Variants in APC2 observed in about 807,000 individuals in gnomAD.
APC2 encodes the protein APC regulator of Wnt signaling pathway 2.
A neutral mutation model predicts 72.5 loss-of-function variants in APC2; 41 were observed. The ratio of observed to expected loss-of-function variants is 0.57; its 90% CI spans 0.44 to 0.73. The LOEUF is 0.73. Ranked by LOEUF, APC2 falls within the 30% of genes least tolerant of loss-of-function variation. The pLI, the probability that APC2 is intolerant of heterozygous loss-of-function variation, is 0.00. For missense variants in APC2, 3,729 were observed against 3,403.4 expected, an observed-to-expected ratio of 1.10 and a Z score of -2.38; for synonymous variants, 1,898 against 1,612.0, an observed-to-expected ratio of 1.18 and a Z score of -4.25.
upstream of APC2, among the ~76,000 whole-genome samples, chr19:1,446,874 G>C (rs1711916079): frequency 6.6e-6 from 1 of 152,232 alleles, no homozygotes; most frequent in Non-Finnish European, 1.5e-5. This position sits in a 1 kb window ranked among gnomAD's most constrained non-coding sequence, Gnocchi z 6.1. Flanking sequence ...CTCCGGAATC[G>C]TCTGAATTTC....
rs776575180 is a variant in APC2, at chr19:1,455,407, G to C, written c.546G>C (p.Leu182=). 6.2e-7 allele frequency: 1 copy of C among 1,609,482 alleles called. No homozygotes were observed. The highest frequency in any genetic ancestry group is 8.5e-7 in the Non-Finnish European group (1 of 1,178,420). ...VETQFSMQMD[L]IRQQLEFEAQ... is the part of the protein sequence containing the mutation. ...AGCAGTTCTCGATGCAGATGGACCT[G>C]ATCCGGCAGCAGCTTGAGTTCGAGG... The change falls in exon 6 of 15, where the codon CTG becomes CTC. Residue 182 remains leucine (L), a synonymous_variant. Transcript: ENST00000590469.
Position 1,469,961 on chromosome 19 carries a change from C to T in APC2, c.6660C>T (p.Gly2220=), listed in dbSNP as rs2084105490. The change falls in exon 15 of 15, where the codon GGC becomes GGT. Residue 2220 remains glycine, a synonymous_variant. Transcript: ENST00000590469. ...ETREPPGAPA[G]GQLSLLGSDV... ...GGGAGCCCCCCGGGGCCCCCGCCGGCGGCCAGCTCTCCCTCCTCGGCAGCG... is the reference window on the plus strand; with the variant it reads ...GGGAGCCCCCCGGGGCCCCCGCCGGTGGCCAGCTCTCCCTCCTCGGCAGCG... 1 of 1,515,112 alleles carries T rather than the reference C, an allele frequency of 6.6e-7. No homozygotes were observed. Among genetic ancestry groups the T allele is most frequent in the Admixed American group, 2.1e-5 (1 of 47,968 alleles). The allele number at this position is 1,515,112 out of a possible 1,614,324, so 93.9% of individuals were successfully genotyped here.
At position 1,467,681 on chromosome 19, in the gene APC2, G is replaced by C. The variant is rs573970879; in HGVS notation, c.4380G>C (p.Lys1460Asn). 3.7e-5 allele frequency: 55 copies of C among 1,479,412 alleles called. No individual in the cohort carries two copies. In the African/African-American group the frequency reaches 6.9e-4, roughly 18 times the overall value. The allele number at this position is 1,479,412 out of a possible 1,614,324, so 91.6% of individuals were successfully genotyped here. Residue 1460 changes from lysine to asparagine, a missense_variant, in exon 15 of 15, where the codon AAG (lysine) becomes AAC (asparagine). By Grantham distance (94) the Lys-to-Asn change is moderately conservative. Coordinates refer to ENST00000590469, the MANE Select transcript of APC2 (RefSeq NM_005883.3). Reference sequence around the variant, plus strand: ...CGGAGCAGTCTCGGGGCGCGGGCAAGAACAGAGCAGGGCTGGAGCTGCCCC... The same window carrying C: ...CGGAGCAGTCTCGGGGCGCGGGCAACAACAGAGCAGGGCTGGAGCTGCCCC... ...RSAEQSRGAG[K>N]NRAGLELPLG... is the part of the protein sequence containing the mutation.
chr19:1,461,653 C>T (rs745636007), intron 13 of APC2: 3 of 370,250 alleles, frequency 8.1e-6, no homozygotes, highest in South Asian at 7.5e-5. Flanking sequence ...GAGATCGAGA[C>T]CATCCTGGCT....
At chr19:1,455,316 G>T in intron 5 of APC2, 59 bp downstream of exon 5, 5 of 1,585,064 alleles carry the variant, frequency 3.2e-6, no homozygotes, top group Non-Finnish European at 4.3e-6. Flanking sequence ...TGCGGGAAGC[G>T]GCGTGGGGGA....
rs1171558833 is a variant in APC2 at position 1,452,603 on chromosome 19, C to T, written c.-18-381C>T. ...TGGGGGTGCTGGGCTGGCCAGTCGG[C>T]TTGCTGGGTTAGGCTGTCCCAGCTG... On this transcript the variant is annotated intron_variant, in intron 1 of 14. Coordinates refer to ENST00000590469, the MANE Select transcript of APC2 (RefSeq NM_005883.3). The surrounding 1 kb of genome is among the most constrained non-coding windows in gnomAD (Gnocchi z 5.1). 1.0e-5 allele frequency: 2 copies of T among 193,776 alleles called. No individual in the cohort carries two copies. The highest frequency in any genetic ancestry group is 2.1e-5 in the Non-Finnish European group (2 of 93,250). The allele number at this position is 193,776 out of a possible 1,614,324, so 12.0% of individuals were successfully genotyped here. A position where few individuals can be genotyped will look rare whatever the true frequency, so the allele number is the denominator to read the frequency against.
In APC2 at chr19:1,465,265, G is replaced by A. The variant is rs1476993748; in HGVS notation, c.1964G>A (p.Arg655His). Residue 655 changes from arginine (R) to histidine (H), a missense_variant, in exon 15 of 15, where the codon CGC (arginine) becomes CAC (histidine). By Grantham distance (29) the Arg-to-His change is conservative. Coordinates refer to ENST00000590469, the MANE Select transcript of APC2 (RefSeq NM_005883.3). ...GGCACGCTCTGGAACCTGTCGGCCC[G>A]CAGCGCCCGTGACCAGGAGCTGCTG... is the stretch of plus-strand genomic sequence containing the variant. ...ACGTLWNLSA[R>H]SARDQELLWD... 4 of 1,606,816 alleles carry A rather than the reference G, an allele frequency of 2.5e-6. No individual in the cohort carries two copies. The highest frequency in any genetic ancestry group is 1.1e-5 in the South Asian group (1 of 90,856).
Position 1,453,010 on chromosome 19 carries a change from C to T in APC2, c.9C>T (p.Ser3=), listed in dbSNP as rs1216980030. The change falls in exon 2 of 15, where the codon AGC becomes AGT. Residue 3 remains serine (S), a synonymous_variant. Transcript: ENST00000590469. ...CGCTGCAGGAGCTGAAGATGGCGAG[C>T]TCCGTGGCGCCCTACGAGCAGCTGG... is the stretch of plus-strand genomic sequence containing the variant. MA[S]SVAPYEQLVR... The T allele has an allele frequency of 1.9e-6, 3 of 1,611,150 alleles. No individual in the cohort carries two copies. The highest frequency in any genetic ancestry group is 2.5e-6 in the Non-Finnish European group (3 of 1,179,922).
chr19:1,461,368 A>G (rs2083919686), intron 13 of APC2: 1 of 592,358 alleles, frequency 1.7e-6, no homozygotes, highest in Non-Finnish European at 3.0e-6. Context: ...TGAGGTCAGG[A>G]GTTCGAGACC....
intron 6 of APC2, among the ~76,000 whole-genome samples, chr19:1,455,769 G>A (rs1207179298): frequency 6.6e-6 from 1 of 152,154 alleles, no homozygotes; most frequent in Non-Finnish European, 1.5e-5. Flanking sequence ...ATCAGCAGGT[G>A]GGTGGGGCCT....
chr19:1,447,963 T>G (rs1315877419), upstream of APC2, among the ~76,000 whole-genome samples: 1 of 151,790 alleles, frequency 6.6e-6, no homozygotes, highest in African/African-American at 2.4e-5. Context: ...CACAGGGAGG[T>G]GGGACTTAGT....
In APC2 at chr19:1,456,911, C is replaced by T. The variant is rs1344034857; in HGVS notation, c.875C>T (p.Ala292Val). 2.5e-6 allele frequency: 4 copies of T among 1,580,224 alleles called. No individual in the cohort carries two copies. The highest frequency in any genetic ancestry group is 3.4e-6 in the Non-Finnish European group (4 of 1,170,980). The change falls in exon 9 of 15, where the codon GCG (alanine) becomes GTG (valine). Residue 292 changes from alanine (A) to valine (V), a missense_variant. Physicochemically the swap from Ala to Val is moderately conservative, Grantham distance 64. Coordinates refer to ENST00000590469, the MANE Select transcript of APC2 (RefSeq NM_005883.3). ...GCGACGCGCGACCAGGAGGATACAG[C>T]GCGCACGCTGCTGGCCATGTCCAGC... ...MLATRDQEDT[A>V]RTLLAMSSSP...
At chr19:1,457,458 G>A (rs1212377577) in intron 9 of APC2, 3 of 653,458 alleles carry the variant, frequency 4.6e-6, no homozygotes, top group Non-Finnish European at 7.4e-6. Context: ...TCGGGAAGTC[G>A]CTGAATGCAT....
intron 10 of APC2, chr19:1,458,392 G>GC: frequency 3.1e-6 from 1 of 320,882 alleles, no homozygotes; most frequent in South Asian, 4.6e-5. Context: ...ACTGTAGGGG[G>GC]TGTTTTACGT....
Position 1,468,645 on chromosome 19 carries a change from C to T in APC2, c.5344C>T (p.Pro1782Ser), listed in dbSNP as rs2084071149. 2.5e-6 allele frequency: 4 copies of T among 1,593,708 alleles called. No individual in the cohort carries two copies. The highest frequency in any genetic ancestry group is 1.3e-5 in the African/African-American group (1 of 74,532). ...EKPRGTQKTT[P>S]GVPAVLRGRT... ...GCCACGTGGCACACAGAAGACCACG[C>T]CCGGGGTGCCAGCTGTGCTCCGGGG... Residue 1782 changes from proline (P) to serine (S), a missense_variant, in exon 15 of 15, where the codon CCC becomes TCC. Transcript: ENST00000590469.
chr19:1,465,101 G>A (rs1684516446), intron 14 of APC2, 54 bp from the exon 15 acceptor site: 10 of 1,547,228 alleles, frequency 6.5e-6, no homozygotes, highest in Non-Finnish European at 7.9e-6. Context: ...CCCATCCTTC[G>A]GTGGGCAGGG....
At chr19:1,455,600 G>A in intron 6 of APC2, 100 bp downstream of exon 6, 3 of 1,182,482 alleles carry the variant, frequency 2.5e-6, no homozygotes, top group South Asian at 2.7e-5. Flanking sequence ...GTAATGGGAG[G>A]AGTCTTATGC....
upstream of APC2, among the ~76,000 whole-genome samples, chr19:1,449,904 A>G (rs2083721902): frequency 6.6e-6 from 1 of 152,202 alleles, no homozygotes. Flanking sequence ...AAAGTGCGGG[A>G]CACAGGAATC....
intron 1 of APC2, among the ~76,000 whole-genome samples, chr19:1,450,932 A>G (rs961122078): frequency 3.3e-5 from 5 of 152,208 alleles, no homozygotes; most frequent in African/African-American, 7.2e-5. Flanking sequence ...GGCCTGAGAG[A>G]AGAGAGCCTC....
Sources: gnomAD v4.1 joint callset for allele counts (sites outside exome capture counted in the v4.1 genomes callset) on GRCh38, gnomAD v4.1.1 for gene constraint, Gnocchi (gnomAD v3.1) non-coding constraint, MANE v1.5 for transcripts, NCBI Gene and HGNC (gene_info 2026-07-23, HGNC 2026-07-21) for gene names.